FRMD4B: variants seen among roughly 807,000 people sequenced by gnomAD.
The protein encoded by FRMD4B is FERM domain containing 4B, also known as FERM domain-containing protein 4B.
A neutral mutation model predicts 141.5 loss-of-function variants in FRMD4B; 74 were observed. The observed-to-expected ratio is 0.52, with a 90% CI of 0.43 to 0.63. The LOEUF (loss-of-function observed/expected upper bound fraction) is 0.63. Among genes scored for constraint, FRMD4B ranks in the 30% least tolerant of loss-of-function variants. The pLI is 0.00. For missense variants in FRMD4B, 1,366 were observed against 1,253.4 expected (o/e 1.09, Z -1.36); for synonymous variants, 506 against 467.9 (o/e 1.08, Z -1.05).
At chr3:69,294,214 A>G (rs926085815) in intron 4 of FRMD4B, among the ~76,000 whole-genome samples, 2 of 152,226 alleles carry the variant, frequency 1.3e-5, no homozygotes, top group Non-Finnish European at 2.9e-5. Flanking sequence ...TTTAGTCACC[A>G]TGAGTAATTT....
intron 5 of FRMD4B, among the ~76,000 whole-genome samples, chr3:69,278,636 G>C (rs1422821449): frequency 1.3e-5 from 2 of 151,490 alleles, no homozygotes; most frequent in Admixed American, 1.3e-4. Flanking sequence ...GCTCAGGCAG[G>C]AGTGCAGCAG....
At chr3:69,446,901 G>C (rs1287396828) in intron 1 of FRMD4B, among the ~76,000 whole-genome samples, 2 of 152,198 alleles carry the variant, frequency 1.3e-5, no homozygotes, top group Non-Finnish European at 2.9e-5. Context: ...TGCTTCTTGA[G>C]GGAATGATTG....
intron 1 of FRMD4B, among the ~76,000 whole-genome samples, chr3:69,356,011 CA>C (rs566234224): frequency 0.012 from 1,690 of 146,068 alleles, 22 homozygotes; most frequent in Non-Finnish European, 0.016. Flanking sequence ...GGTGACAGAG[CA>C]AGCAAGATTC....
Position 69,170,806 on chromosome 3 carries a change from T to C in FRMD4B, c.*1055A>G, listed in dbSNP as rs1240102357. 1 of 152,180 alleles carries C rather than the reference T, an allele frequency of 6.6e-6. No homozygotes were observed. Among genetic ancestry groups the C allele is most frequent in the Non-Finnish European group, 1.5e-5 (1 of 68,038 alleles). 9.4% of individuals were successfully genotyped at this position (152,180 alleles called of 1,614,324 possible). ...TTGGAGCTTTTTGTCGTTGTTGTTG[T>C]TTTTCTTTTTTAATGTTAACCTTGT... On this transcript the variant is annotated 3_prime_UTR_variant, in exon 23 of 23. Transcript: ENST00000398540.
At chr3:69,403,531 GA>G (rs1419672308) in intron 2 of FRMD4B, among the ~76,000 whole-genome samples, 1 of 152,152 alleles carries the variant, frequency 6.6e-6, no homozygotes, top group East Asian at 1.9e-4. Context: ...AATGAGTGGG[GA>G]AGCTAACCCC....
Position 69,274,646 on chromosome 3 carries a change from G to A in FRMD4B, c.501+13106C>T, listed in dbSNP as rs1294817433. Among the ~76,000 whole-genome samples the A allele has an allele frequency of 2.6e-5, 4 of 152,100 alleles. No individual in the cohort carries two copies. The East Asian group carries it at 5.8e-4, about 22-fold the overall frequency. On this transcript the variant is annotated intron_variant, in intron 5 of 22. Coordinates refer to ENST00000398540, the MANE Select transcript of FRMD4B (RefSeq NM_015123.3). ...CAATTCTCGTGCCTCAATCTCCCAA[G>A]TAGCTGGGACTACAGGTGCATGCCA... is the stretch of plus-strand genomic sequence containing the variant.
chr3:69,390,835 A>G (rs927789475), upstream of FRMD4B, among the ~76,000 whole-genome samples: 12 of 152,100 alleles, frequency 7.9e-5, no homozygotes, highest in Non-Finnish European at 5.9e-5. Context: ...GGAGGTTGCA[A>G]TGAGCTGAGA....
chr3:69,455,873 T>A (rs1354791348), intron 1 of FRMD4B, among the ~76,000 whole-genome samples: 1 of 152,216 alleles, frequency 6.6e-6, no homozygotes, highest in Non-Finnish European at 1.5e-5. Flanking sequence ...AGCTTGAGAC[T>A]TCTACTCTAG....
chr3:69,503,911 C>T (rs1024550855), intron 1 of FRMD4B, among the ~76,000 whole-genome samples: 1 of 152,104 alleles, frequency 6.6e-6, no homozygotes, highest in African/African-American at 2.4e-5. Flanking sequence ...TGTTGGAGGA[C>T]TAAATGCACT....
intron 1 of FRMD4B, among the ~76,000 whole-genome samples, chr3:69,355,252 C>T (rs187481735): frequency 2.1e-4 from 32 of 152,180 alleles, no homozygotes; most frequent in Admixed American, 2.1e-3. Context: ...GAAATCACTC[C>T]AGTTATTAAT....
intron 8 of FRMD4B, among the ~76,000 whole-genome samples, chr3:69,223,392 G>A (rs955198314): frequency 6.6e-6 from 1 of 152,080 alleles, no homozygotes; most frequent in Admixed American, 6.6e-5. Flanking sequence ...CCGTGTGCCT[G>A]TAATCCCAGC....
intron 1 of FRMD4B, among the ~76,000 whole-genome samples, chr3:69,370,845 C>T (rs1450663414): frequency 6.6e-6 from 1 of 152,162 alleles, no homozygotes; most frequent in Non-Finnish European, 1.5e-5. Context: ...AAGTCATTCT[C>T]CCTAGAGTGG....
intron 5 of FRMD4B, among the ~76,000 whole-genome samples, chr3:69,267,851 T>G (rs936216286): frequency 9.2e-5 from 14 of 151,744 alleles, no homozygotes; most frequent in Admixed American, 6.6e-5. Flanking sequence ...CAGGCTGGTC[T>G]CACACTCGTG....
chr3:69,399,372 C>A (rs1704522793), intron 2 of FRMD4B, among the ~76,000 whole-genome samples: 1 of 152,208 alleles, frequency 6.6e-6, no homozygotes, highest in Non-Finnish European at 1.5e-5. Context: ...TCCTTCCGAA[C>A]AAGAACTGCT....
At chr3:69,513,665 T>C (rs1412358721) in intron 1 of FRMD4B, among the ~76,000 whole-genome samples, 5 of 151,798 alleles carry the variant, frequency 3.3e-5, no homozygotes, top group Non-Finnish European at 7.4e-5. Context: ...ACAAACAAAA[T>C]TCAACAGCAT....
At chr3:69,374,941 C>T (rs1020840931) in intron 1 of FRMD4B, among the ~76,000 whole-genome samples, 2 of 152,142 alleles carry the variant, frequency 1.3e-5, no homozygotes, top group African/African-American at 4.8e-5. Flanking sequence ...ACAATGCATA[C>T]GTGAAGATAA....
intron 2 of FRMD4B, among the ~76,000 whole-genome samples, chr3:69,391,739 T>A (rs966933911): frequency 6.6e-6 from 1 of 152,208 alleles, no homozygotes; most frequent in African/African-American, 2.4e-5. Context: ...CTGTCAGCTA[T>A]GTGAGGAACC....
At chr3:69,503,666 C>T (rs1197502398) in intron 1 of FRMD4B, among the ~76,000 whole-genome samples, 2 of 152,116 alleles carry the variant, frequency 1.3e-5, no homozygotes, top group Admixed American at 6.6e-5. Flanking sequence ...CACATGTACC[C>T]TAGAACTTAA....
intron 2 of FRMD4B, among the ~76,000 whole-genome samples, chr3:69,409,368 A>G (rs4390929): frequency 0.67 from 102,286 of 152,028 alleles, 34,926 homozygotes; most frequent in East Asian, 0.86. Flanking sequence ...ATTCCTAGGC[A>G]TGGTCCCATT....
Sources: allele counts gnomAD v4.1 joint callset (sites outside exome capture counted in the v4.1 genomes callset), GRCh38; gene constraint gnomAD v4.1.1; transcripts MANE v1.5; gene names NCBI Gene and HGNC (gene_info 2026-07-23, HGNC 2026-07-21).